TENM3: variants seen among roughly 807,000 people sequenced by gnomAD.
TENM3 encodes teneurin-3.
Under a neutral mutation model 255.1 loss-of-function variants are expected in TENM3, and 63 were observed. The ratio of observed to expected loss-of-function variants is 0.25; its 90% CI spans 0.20 to 0.30. TENM3 has a LOEUF of 0.30. Ranked by LOEUF, TENM3 falls within the 10% of genes least tolerant of loss-of-function variation. TENM3 has a pLI of 1.00. For missense variants in TENM3, 2,929 were observed against 3,461.1 expected (o/e 0.85, Z 3.86); for synonymous variants, 1,306 against 1,322.3 (o/e 0.99, Z 0.27).
At chr4:182,234,621 A>G (rs1756782263) in intron 1 of TENM3, among the ~76,000 whole-genome samples, 1 of 152,046 alleles carries the variant, frequency 6.6e-6, no homozygotes, top group Non-Finnish European at 1.5e-5. Flanking sequence ...AATCCCAGCT[A>G]CTCGGGAGGC....
intron 4 of TENM3, among the ~76,000 whole-genome samples, chr4:182,613,720 A>G (rs1214309058): frequency 2.0e-5 from 3 of 152,234 alleles, no homozygotes; most frequent in East Asian, 1.9e-4. Flanking sequence ...ACATGTTATC[A>G]TATTCATTGT....
intron 3 of TENM3, among the ~76,000 whole-genome samples, chr4:182,395,525 T>C (rs1300451591): frequency 2.6e-5 from 4 of 152,200 alleles, no homozygotes; most frequent in South Asian, 2.1e-4. Context: ...TGAGATATTA[T>C]GTTTAAAATG....
At chr4:181,554,708 A>T in the TENM3 span, among the ~76,000 whole-genome samples, 4 of 152,224 alleles carry the variant, frequency 2.6e-5, no homozygotes, top group African/African-American at 9.6e-5. Context: ...TTGATGCAAA[A>T]TAATGAATCT....
intron 24 of TENM3, among the ~76,000 whole-genome samples, chr4:182,785,496 C>T (rs1765568934): frequency 6.6e-6 from 1 of 151,186 alleles, no homozygotes; most frequent in Non-Finnish European, 1.5e-5. Context: ...TCACCTAAGC[C>T]CAGGAGTTTG....
chr4:181,817,364 C>A, the TENM3 span, among the ~76,000 whole-genome samples: 2 of 152,142 alleles, frequency 1.3e-5, no homozygotes, highest in Non-Finnish European at 2.9e-5. Context: ...ACCTCCCTAC[C>A]TTTGTGATAG....
the TENM3 span, among the ~76,000 whole-genome samples, chr4:181,610,826 T>C: frequency 1.3e-5 from 2 of 152,104 alleles, no homozygotes; most frequent in African/African-American, 4.8e-5. Flanking sequence ...GAACAAGAAG[T>C]ATAAGAATCA....
intron 1 of TENM3, among the ~76,000 whole-genome samples, chr4:182,270,351 G>T (rs929198191): frequency 6.6e-6 from 1 of 152,244 alleles, no homozygotes; most frequent in East Asian, 1.9e-4. Context: ...AAAATATTTT[G>T]ATTTCCTTCA....
intron 1 of TENM3, among the ~76,000 whole-genome samples, chr4:182,286,359 C>T (rs1760727835): frequency 6.6e-6 from 1 of 152,212 alleles, no homozygotes; most frequent in Admixed American, 6.5e-5. Flanking sequence ...GGCAGGGGCC[C>T]ACCTAACTGT....
At chr4:181,787,083 T>C in the TENM3 span, among the ~76,000 whole-genome samples, 2 of 152,200 alleles carry the variant, frequency 1.3e-5, no homozygotes, top group Non-Finnish European at 2.9e-5. Context: ...GCCTTCTTCA[T>C]CAAGGTTTTA....
chr4:182,309,884 A>G (rs1762341426), intron 1 of TENM3, among the ~76,000 whole-genome samples: 1 of 152,208 alleles, frequency 6.6e-6, no homozygotes, highest in Non-Finnish European at 1.5e-5. Context: ...CCCTTTATCA[A>G]GTACTCATTA....
chr4:181,733,050 T>C, the TENM3 span, among the ~76,000 whole-genome samples: 3 of 152,188 alleles, frequency 2.0e-5, no homozygotes, highest in African/African-American at 4.8e-5. Flanking sequence ...CTCTAAAGTG[T>C]TGTGATTTTA....
chr4:181,496,221 A>C, the TENM3 span, among the ~76,000 whole-genome samples: 1 of 152,240 alleles, frequency 6.6e-6, no homozygotes, highest in East Asian at 1.9e-4. Context: ...GAGCAGAAAA[A>C]GACTAGTTTG....
chr4:181,524,425 A>G, the TENM3 span, among the ~76,000 whole-genome samples: 2 of 152,360 alleles, frequency 1.3e-5, no homozygotes, highest in East Asian at 3.9e-4. Flanking sequence ...TGTCTTTGGG[A>G]TGCAGGCATG....
the TENM3 span, among the ~76,000 whole-genome samples, chr4:181,602,772 TTCTC>T: frequency 6.6e-6 from 1 of 152,192 alleles, no homozygotes; most frequent in African/African-American, 2.4e-5. Context: ...TATAAGAGCT[TTCTC>T]TCAGCCCAAT....
chr4:182,326,330 G>A (rs1165558034), intron 2 of TENM3, among the ~76,000 whole-genome samples: 1 of 152,130 alleles, frequency 6.6e-6, no homozygotes, highest in African/African-American at 2.4e-5. Flanking sequence ...CGGTAGCGTA[G>A]TCTTTTCACA....
At chr4:182,049,518 C>T in the TENM3 span, among the ~76,000 whole-genome samples, 3 of 152,354 alleles carry the variant, frequency 2.0e-5, no homozygotes, top group East Asian at 1.9e-4. Flanking sequence ...CCCATTCAAA[C>T]GTCACCCATT....
the TENM3 span, among the ~76,000 whole-genome samples, chr4:181,955,288 G>T: frequency 6.6e-6 from 1 of 152,288 alleles, no homozygotes; most frequent in East Asian, 1.9e-4. Flanking sequence ...TAGTATATTT[G>T]TAAACAATCT....
intron 6 of TENM3, among the ~76,000 whole-genome samples, chr4:182,672,446 A>G (rs1379876268): frequency 6.6e-6 from 1 of 152,128 alleles, no homozygotes; most frequent in East Asian, 1.9e-4. Flanking sequence ...TTCCCCTCAC[A>G]ATGCCCCAAG....
the TENM3 span, among the ~76,000 whole-genome samples, chr4:182,010,068 C>A: frequency 2.0e-5 from 3 of 152,182 alleles, no homozygotes; most frequent in Admixed American, 2.0e-4. Context: ...CTTTGGTTGC[C>A]AGTGAAATAT....
Sources: gnomAD v4.1 joint callset for allele counts (sites outside exome capture counted in the v4.1 genomes callset) on GRCh38, gnomAD v4.1.1 for gene constraint, MANE v1.5 for transcripts, NCBI Gene and HGNC (gene_info 2026-07-23, HGNC 2026-07-21) for gene names.